Variants in CHEK2 observed in about 807,000 individuals in gnomAD.
CHEK2 encodes the protein checkpoint kinase 2, also known as serine/threonine-protein kinase Chk2.
A neutral mutation model predicts 69.1 loss-of-function variants in CHEK2; 71 were observed. That is an observed-to-expected ratio of 1.03 (90% CI 0.85 to 1.25). The LOEUF (loss-of-function observed/expected upper bound fraction) is 1.25. Ranked by LOEUF, CHEK2 falls within the 50% of genes most tolerant of loss-of-function variation. The probability of loss-of-function intolerance (pLI) is 0.00; values close to 1 mark genes in which losing one functional copy is unlikely to be tolerated. For missense variants in CHEK2, 664 were observed against 649.6 expected (o/e 1.02, Z -0.24); for synonymous variants, 189 against 226.9 (o/e 0.83, Z 1.50).
chr22:28,726,418 A>G (rs887687197), intron 2 of CHEK2: 1 of 147,210 alleles, frequency 6.8e-6, no homozygotes, highest in African/African-American at 2.5e-5. Flanking sequence ...TTTATTTTAT[A>G]TTTATTATAT....
chr22:28,722,953 C>T (rs1376788715), intron 4 of CHEK2, among the ~76,000 whole-genome samples: 4 of 152,078 alleles, frequency 2.6e-5, no homozygotes, highest in Non-Finnish European at 4.4e-5. Context: ...CAAAATGTGT[C>T]GCACACACAT....
In CHEK2 at chr22:28,725,383, A is replaced by T. The variant is rs773890954; in HGVS notation, c.320-16T>A. Reference sequence around the variant, plus strand: ...TTCACACATTCTGTAATATAAAAGCATGCATCAGAGGGCTGTTGAATTTCA... The same window carrying T: ...TTCACACATTCTGTAATATAAAAGCTTGCATCAGAGGGCTGTTGAATTTCA... On this transcript the variant is annotated splice_polypyrimidine_tract_variant and intron_variant, in intron 2 of 14. Coordinates refer to ENST00000404276, the MANE Select transcript of CHEK2 (RefSeq NM_007194.4). 1 of 1,613,998 alleles carries T rather than the reference A, an allele frequency of 6.2e-7. No homozygotes were observed. Among genetic ancestry groups the T allele is most frequent in the East Asian group, 2.2e-5 (1 of 44,874 alleles).
chr22:28,724,887 T>G (rs971595228), intron 4 of CHEK2, 90 bp downstream of exon 4: 2 of 1,384,148 alleles, frequency 1.4e-6, no homozygotes, highest in Admixed American at 1.7e-5. Flanking sequence ...TTTACTCACT[T>G]AAACCATATT....
In CHEK2 at chr22:28,706,286, C is replaced by A. The variant is rs116465437; in HGVS notation, c.847-2720G>T. 1.7e-3 allele frequency among the ~76,000 whole-genome samples: 243 copies of A among 141,804 alleles called. 1 individual carries two copies. Among genetic ancestry groups the A allele is most frequent in the African/African-American group, 6.2e-3 (238 of 38,664 alleles). The allele number at this position is 141,804 out of a possible 152,430, so 93.0% of individuals were successfully genotyped here. On this transcript the variant is annotated intron_variant, in intron 7 of 14. Transcript: ENST00000404276. ...AGTGTGCTCTAGCCTGGCAACAGAG[C>A]AACACTCCAGCTCACACACACACAC...
At chr22:28,701,032 G>T (rs2052822774) in intron 8 of CHEK2, among the ~76,000 whole-genome samples, 1 of 151,838 alleles carries the variant, frequency 6.6e-6, no homozygotes, top group African/African-American at 2.4e-5. Context: ...CAGGTGATCT[G>T]CTCCCCTCGG....
intron 7 of CHEK2, among the ~76,000 whole-genome samples, chr22:28,708,399 G>C (rs1483317603): frequency 1.3e-5 from 2 of 151,352 alleles, no homozygotes; most frequent in African/African-American, 4.9e-5. Flanking sequence ...GTGTGTGTGT[G>C]TGTTAAAGAG....
chr22:28,702,470 C>G (rs1188578064), intron 8 of CHEK2, among the ~76,000 whole-genome samples: 2 of 151,108 alleles, frequency 1.3e-5, no homozygotes, highest in Non-Finnish European at 2.9e-5. Context: ...GATCTCCTGA[C>G]CTTGTGATCC....
intron 7 of CHEK2, among the ~76,000 whole-genome samples, chr22:28,706,687 G>C (rs2053158725): frequency 6.6e-6 from 1 of 152,154 alleles, no homozygotes; most frequent in African/African-American, 2.4e-5. Flanking sequence ...GGGAGGCCAA[G>C]GCAGGCAGAT....
At chr22:28,710,201 T>C (rs1273910361) in intron 6 of CHEK2, 142 bp from the exon 7 acceptor site, 4 of 606,754 alleles carry the variant, frequency 6.6e-6, no homozygotes, top group Middle Eastern at 4.7e-4. Flanking sequence ...AAAGCCCAGG[T>C]CAATGACTTA....
intron 4 of CHEK2, among the ~76,000 whole-genome samples, chr22:28,720,391 A>T (rs1345667500): frequency 6.9e-6 from 1 of 144,100 alleles, no homozygotes; most frequent in Non-Finnish European, 1.5e-5. Context: ...GTGCCCAGCC[A>T]AAAAAAAAAA....
rs554465930 is a variant in CHEK2 at position 28,725,035 on chromosome 22, T to G, written c.534A>C (p.Gly178=). The G allele has an allele frequency of 1.2e-6, 2 of 1,613,992 alleles. No individual in the cohort carries two copies. Among genetic ancestry groups the G allele is most frequent in the Non-Finnish European group, 8.5e-7 (1 of 1,179,968 alleles). Residue 178 remains glycine, a synonymous_variant, in exon 4 of 15, where the codon GGA becomes GGC. Transcript: ENST00000404276. ...TFVNTELVGK[G]KRRPLNNNSE... ...AATTGTTATTCAAAGGACGGCGTTT[T>G]CCTTTCCCTACAAGCTCTGTATTTA... is the stretch of plus-strand genomic sequence containing the variant.
At chr22:28,699,757 G>C (rs17881114) in intron 9 of CHEK2, 81 bp downstream of exon 9, 1 of 978,142 alleles carries the variant, frequency 1.0e-6, no homozygotes, top group African/African-American at 1.6e-5. Context: ...TTAATCCACG[G>C]TCCCTCGATT....
intron 8 of CHEK2, among the ~76,000 whole-genome samples, chr22:28,701,257 G>A (rs181740156): frequency 7.9e-5 from 12 of 151,608 alleles, no homozygotes; most frequent in African/African-American, 2.9e-4. Context: ...TGTTTTTTGA[G>A]ACAGTCTTGC....
intron 13 of CHEK2, among the ~76,000 whole-genome samples, chr22:28,690,254 G>T (rs1323406912): frequency 1.3e-5 from 2 of 152,196 alleles, no homozygotes; most frequent in African/African-American, 4.8e-5. Flanking sequence ...CACTTTGGGA[G>T]GCCAAGGTGG....
chr22:28,706,807 T>A (rs1216792266), intron 7 of CHEK2, among the ~76,000 whole-genome samples: 1 of 151,996 alleles, frequency 6.6e-6, no homozygotes, highest in Non-Finnish European at 1.5e-5. Context: ...TAATCCCAGC[T>A]AGTCAGGAGG....
intron 13 of CHEK2, among the ~76,000 whole-genome samples, chr22:28,691,322 A>G (rs1181008632): frequency 5.9e-5 from 9 of 152,126 alleles, no homozygotes; most frequent in Non-Finnish European, 2.9e-5. Flanking sequence ...TCTACTAAAA[A>G]TACAAAAATG....
chr22:28,692,927 AC>A (rs1485460015), intron 13 of CHEK2, among the ~76,000 whole-genome samples: 4 of 152,108 alleles, frequency 2.6e-5, no homozygotes, highest in Non-Finnish European at 5.9e-5. Flanking sequence ...AAGCTCTCTC[AC>A]CTGCTGCCAT....
intron 13 of CHEK2, among the ~76,000 whole-genome samples, chr22:28,691,131 G>A (rs2052346503): frequency 6.6e-6 from 1 of 152,160 alleles, no homozygotes. Context: ...TCTCTTGGCA[G>A]CCCTTCAGTG....
chr22:28,735,811 G>A (rs2146168673), intron 1 of CHEK2, among the ~76,000 whole-genome samples: 1 of 152,160 alleles, frequency 6.6e-6, no homozygotes, highest in African/African-American at 2.4e-5. Flanking sequence ...GAGCCCAGGA[G>A]GCAGAGGTTG....
Sources: gnomAD v4.1 joint callset for allele counts (sites outside exome capture counted in the v4.1 genomes callset) on GRCh38, gnomAD v4.1.1 for gene constraint, MANE v1.5 for transcripts, NCBI Gene and HGNC (gene_info 2026-07-23, HGNC 2026-07-21) for gene names.